HABP4: variants seen among roughly 807,000 people sequenced by gnomAD.
HABP4 encodes intracellular hyaluronan-binding protein 4.
HABP4 carries 32 observed loss-of-function variants against 44.1 expected under a neutral mutation model. The observed-to-expected ratio is 0.73, with a 90% CI of 0.55 to 0.97. The LOEUF is 0.97. Ranked by LOEUF, HABP4 falls within the 50% of genes least tolerant of loss-of-function variation. HABP4 has a pLI of 0.00. For synonymous variants in HABP4, 216 were observed against 218.0 expected (o/e 0.99, Z 0.08); for missense variants, 503 against 561.9 (o/e 0.90, Z 1.06).
chr9:96,452,356 A>G (rs1832298938), intron 1 of HABP4, among the ~76,000 whole-genome samples: 1 of 152,102 alleles, frequency 6.6e-6, no homozygotes, highest in African/African-American at 2.4e-5. Flanking sequence ...CAATTCCAAA[A>G]TGTATGAGGT....
chr9:96,474,084 C>G (rs964807761), intron 5 of HABP4, among the ~76,000 whole-genome samples: 4 of 152,164 alleles, frequency 2.6e-5, no homozygotes, highest in Non-Finnish European at 5.9e-5. Context: ...GTAGCTAGTG[C>G]TTTATCAGTA....
intron 2 of HABP4, among the ~76,000 whole-genome samples, chr9:96,461,222 T>G (rs114497372): frequency 0.011 from 1,661 of 152,342 alleles, 21 homozygotes; most frequent in African/African-American, 0.037. Flanking sequence ...GCCACAGAAC[T>G]GAACACTGAA....
chr9:96,450,205 T>G lies in HABP4; in HGVS notation c.-75T>G. The G allele has an allele frequency of 3.3e-6, 4 of 1,222,468 alleles. No homozygotes were observed. The highest frequency in any genetic ancestry group is 4.1e-6 in the Non-Finnish European group (4 of 976,560). The allele number at this position is 1,222,468 out of a possible 1,614,324, so 75.7% of individuals were successfully genotyped here. On this transcript the variant is annotated 5_prime_UTR_variant, in exon 1 of 8. It removes an upstream start codon present in the reference 5' UTR. Coordinates refer to ENST00000375249, the MANE Select transcript of HABP4 (RefSeq NM_014282.4). This position sits in a 1 kb window ranked among gnomAD's most constrained non-coding sequence, Gnocchi z 4.8. ...GGCGGTGGCGGCGGAGCGGGCGGCA[T>G]GGGTCCTGGCCGCCGGCTTCGCTGA... is the stretch of plus-strand genomic sequence containing the variant.
At chr9:96,474,417 A>G (rs1320831029) in intron 5 of HABP4, among the ~76,000 whole-genome samples, 1 of 152,228 alleles carries the variant, frequency 6.6e-6, no homozygotes, top group East Asian at 1.9e-4. Context: ...GTTCTAATCT[A>G]TAGAATTGAT....
chr9:96,490,170 T>TAA lies in HABP4; in HGVS notation c.*132_*133insAA. The TAA allele has an allele frequency of 1.5e-6, 1 of 678,792 alleles. No individual in the cohort carries two copies. Among genetic ancestry groups the TAA allele is most frequent in the South Asian group, 1.6e-5 (1 of 61,204 alleles). The allele number at this position is 678,792 out of a possible 1,614,324, so 42.0% of individuals were successfully genotyped here. On this transcript the variant is annotated 3_prime_UTR_variant, in exon 8 of 8. Coordinates refer to ENST00000375249, the MANE Select transcript of HABP4 (RefSeq NM_014282.4). ...CCCGTGTCATGTAAATTTGTTGCAC[T>TAA]TTTTTGGGCTGAGCTGTTAGAGGGG...
chr9:96,484,917 A>G (rs1160831361), intron 6 of HABP4, among the ~76,000 whole-genome samples: 1 of 152,086 alleles, frequency 6.6e-6, no homozygotes, highest in African/African-American at 2.4e-5. Context: ...ACTGTATTTC[A>G]TTTTTCTCAA....
intron 5 of HABP4, among the ~76,000 whole-genome samples, chr9:96,477,529 A>T (rs938737006): frequency 6.6e-6 from 1 of 152,314 alleles, no homozygotes; most frequent in Non-Finnish European, 1.5e-5. Flanking sequence ...TAACTGGAAT[A>T]CCATTACTCC....
At chr9:96,454,472 ACGGAGT>A (rs1422483952) in intron 1 of HABP4, among the ~76,000 whole-genome samples, 1 of 125,852 alleles carries the variant, frequency 7.9e-6, no homozygotes, top group Non-Finnish European at 1.6e-5. Flanking sequence ...TTTTTTTGAG[ACGGAGT>A]CTCGCTCTGT....
chr9:96,462,470 A>C (rs984965499), intron 2 of HABP4, among the ~76,000 whole-genome samples: 1 of 151,736 alleles, frequency 6.6e-6, no homozygotes, highest in African/African-American at 2.4e-5. Flanking sequence ...AAAAATTGCC[A>C]GGCGTGGTGG....
rs1324176636 is a variant in HABP4, at chr9:96,488,591, C to A, written c.1185+317C>A. ...GCACCTGACGTTTTGCTTACTGTGG[C>A]CTGATTGTGTGCCTTGGGCTCAGGT... On this transcript the variant is annotated intron_variant, in intron 7 of 7. Coordinates refer to ENST00000375249, the MANE Select transcript of HABP4 (RefSeq NM_014282.4). The surrounding 1 kb of genome is among the most constrained non-coding windows in gnomAD (Gnocchi z 4.6). Among the ~76,000 whole-genome samples, 2 of 152,180 alleles carry A rather than the reference C, an allele frequency of 1.3e-5. No homozygotes were observed. Among genetic ancestry groups the A allele is most frequent in the Non-Finnish European group, 2.9e-5 (2 of 68,030 alleles).
intron 1 of HABP4, among the ~76,000 whole-genome samples, chr9:96,452,197 AG>A (rs892787891): frequency 6.7e-5 from 10 of 148,950 alleles, no homozygotes; most frequent in Admixed American, 3.4e-4. Flanking sequence ...ACTGTACTCC[AG>A]TCTGGGAGAA....
intron 5 of HABP4, among the ~76,000 whole-genome samples, chr9:96,475,390 C>CAAAAAAAA (rs61553823): frequency 2.2e-4 from 21 of 94,114 alleles, no homozygotes; most frequent in African/African-American, 7.5e-4. Flanking sequence ...ACAACAACAA[C>CAAAAAAAA]AAAAAAAAAA....
Position 96,450,476 on chromosome 9 carries a change from G to C in HABP4, c.197G>C (p.Gly66Ala), listed in dbSNP as rs1295729924. The C allele has an allele frequency of 2.5e-6, 3 of 1,215,784 alleles. No homozygotes were observed. The highest frequency in any genetic ancestry group is 6.8e-5 in the East Asian group (2 of 29,272). 75.3% of individuals were successfully genotyped at this position (1,215,784 alleles called of 1,614,324 possible). A position where few individuals can be genotyped will look rare whatever the true frequency, so the allele number is the denominator to read the frequency against. Residue 66 changes from glycine to alanine, a missense_variant, in exon 1 of 8, where the codon GGG becomes GCG. Gly to Ala is a moderately conservative substitution (Grantham distance 60). Coordinates refer to ENST00000375249, the MANE Select transcript of HABP4 (RefSeq NM_014282.4). The surrounding 1 kb of genome is among the most constrained non-coding windows in gnomAD (Gnocchi z 4.8). ...KRRDEAAAAA[G>A]AGPRGGRSPA... is the part of the protein sequence containing the mutation. ...CGCGACGAGGCGGCGGCGGCGGCCG[G>C]GGCCGGTCCCCGCGGCGGCAGGAGC... is the stretch of plus-strand genomic sequence containing the variant.
chr9:96,455,641 C>A (rs1832361433), intron 1 of HABP4, among the ~76,000 whole-genome samples: 1 of 150,742 alleles, frequency 6.6e-6, no homozygotes, highest in Non-Finnish European at 1.5e-5. Context: ...TGGCAGGCAC[C>A]TGTAATCCCA....
intron 5 of HABP4, among the ~76,000 whole-genome samples, chr9:96,473,550 G>A (rs1032148389): frequency 1.3e-5 from 2 of 152,132 alleles, no homozygotes; most frequent in African/African-American, 4.8e-5. Flanking sequence ...CATTCTGATT[G>A]TCATGCCCCC....
rs1832257486 is a variant in HABP4, at chr9:96,450,701, CA to C, written c.349+74del. ...AGACTGGGGTCCCGGGGGCCGGTTTCAGGAGGAGGGGCCCGGGAACAGTAGG... is the reference window on the plus strand; with the variant it reads ...AGACTGGGGTCCCGGGGGCCGGTTTCGGAGGAGGGGCCCGGGAACAGTAGG... On this transcript the variant is annotated intron_variant, in intron 1 of 7. Coordinates refer to ENST00000375249, the MANE Select transcript of HABP4 (RefSeq NM_014282.4). The surrounding 1 kb of genome is among the most constrained non-coding windows in gnomAD (Gnocchi z 4.8). The C allele has an allele frequency of 8.6e-7, 1 of 1,168,944 alleles. No homozygotes were observed. The highest frequency in any genetic ancestry group is 1.6e-5 in the African/African-American group (1 of 62,460). 72.4% of individuals were successfully genotyped at this position (1,168,944 alleles called of 1,614,324 possible). A position where few individuals can be genotyped will look rare whatever the true frequency, so the allele number is the denominator to read the frequency against.
At chr9:96,489,401 C>T (rs765434098) in intron 7 of HABP4, among the ~76,000 whole-genome samples, 11 of 152,136 alleles carry the variant, frequency 7.2e-5, no homozygotes, top group Non-Finnish European at 1.5e-4. Context: ...ACCTCAGAAC[C>T]GCCCTTAGGG....
At chr9:96,468,863 G>C (rs1176930534) in intron 4 of HABP4, among the ~76,000 whole-genome samples, 1 of 152,194 alleles carries the variant, frequency 6.6e-6, no homozygotes, top group Non-Finnish European at 1.5e-5. Context: ...TTGAGGTCAT[G>C]AAAATGATGT....
intron 2 of HABP4, among the ~76,000 whole-genome samples, chr9:96,458,820 C>G (rs1236193857): frequency 1.3e-5 from 2 of 152,138 alleles, no homozygotes; most frequent in South Asian, 2.1e-4. Flanking sequence ...CGGGGTTTCT[C>G]CATGTTGGTC....
Sources: allele counts gnomAD v4.1 joint callset (sites outside exome capture counted in the v4.1 genomes callset), GRCh38; gene constraint gnomAD v4.1.1; non-coding constraint Gnocchi (gnomAD v3.1); transcripts MANE v1.5; gene names NCBI Gene and HGNC (gene_info 2026-07-23, HGNC 2026-07-21).